TPST1: variants seen among roughly 807,000 people sequenced by gnomAD.
The protein encoded by TPST1 is tyrosylprotein sulfotransferase 1.
TPST1 carries 20 observed loss-of-function variants against 34.8 expected under a neutral mutation model. The observed-to-expected ratio is 0.57, with a 90% CI of 0.40 to 0.84. The LOEUF is 0.84. Ranked by LOEUF, TPST1 falls within the 40% of genes least tolerant of loss-of-function variation. TPST1 has a pLI of 0.00. For synonymous variants in TPST1, 152 were observed against 159.4 expected, an observed-to-expected ratio of 0.95 and a Z score of 0.35; for missense variants, 353 against 455.5, an observed-to-expected ratio of 0.78 and a Z score of 2.05.
rs565496187 is a variant in TPST1 at position 66,239,867 on chromosome 7, T to TTTTTGTTTTGTTTTG, written c.-101-443_-101-429dup. On this transcript the variant is annotated intron_variant, in intron 1 of 5. Coordinates refer to ENST00000304842, the MANE Select transcript of TPST1 (RefSeq NM_003596.4). ...GAGTAAAACAAATTTTACTCATTTGTTTTTGTTTTGTTTTGTTTTGTTTTG... is the reference window on the plus strand; with the variant it reads ...GAGTAAAACAAATTTTACTCATTTGTTTTTGTTTTGTTTTGTTTTGTTTTGTTTTGTTTTGTTTTG... Among the ~76,000 whole-genome samples, 117 of 152,186 alleles carry TTTTTGTTTTGTTTTG rather than the reference T, an allele frequency of 7.7e-4. 1 individual carries two copies. In the South Asian group the frequency reaches 0.012, roughly 16 times the overall value.
chr7:66,221,711 T>C (rs1195873350), intron 1 of TPST1: 1 of 152,220 alleles, frequency 6.6e-6, no homozygotes, highest in Non-Finnish European at 1.5e-5. Context: ...CTTTGTGATG[T>C]TGCTTTTGAA....
intron 2 of TPST1, among the ~76,000 whole-genome samples, chr7:66,282,873 A>G (rs1454352690): frequency 6.6e-6 from 1 of 152,202 alleles, no homozygotes; most frequent in Non-Finnish European, 1.5e-5. Context: ...CTTGAACCCG[A>G]TAAGTGCAAC....
At position 66,351,557 on chromosome 7, in the gene TPST1, C is replaced by G. The variant is rs113475570; in HGVS notation, c.1045-948C>G. Among the ~76,000 whole-genome samples, 24 of 151,818 alleles carry G rather than the reference C, an allele frequency of 1.6e-4. 4 individuals carry two copies. The highest frequency in any genetic ancestry group is 5.8e-4 in the African/African-American group (24 of 41,418). On this transcript the variant is annotated intron_variant, in intron 3 of 5. Coordinates refer to ENST00000304842, the MANE Select transcript of TPST1 (RefSeq NM_003596.4). ...CTGTATAATAGTAATGTATCGATAT[C>G]TGGTAGAATAAGTTCTTCTACTTTG...
chr7:66,282,192 C>A (rs754643912), intron 2 of TPST1, among the ~76,000 whole-genome samples: 1 of 152,096 alleles, frequency 6.6e-6, no homozygotes, highest in Admixed American at 6.6e-5. Flanking sequence ...TTAATGAGCT[C>A]CTTGCAGTCT....
chr7:66,250,631 G>A (rs551692824), intron 2 of TPST1, among the ~76,000 whole-genome samples: 1 of 152,194 alleles, frequency 6.6e-6, no homozygotes, highest in South Asian at 2.1e-4. Context: ...GTGGATGCCC[G>A]AAACCCCACT....
intron 3 of TPST1, among the ~76,000 whole-genome samples, chr7:66,327,773 T>C (rs1174107206): frequency 6.6e-6 from 1 of 150,868 alleles, no homozygotes; most frequent in Non-Finnish European, 1.5e-5. Flanking sequence ...TGAAGAAAAC[T>C]ATGAGAAAAA....
intron 3 of TPST1, among the ~76,000 whole-genome samples, chr7:66,297,849 G>GT (rs1231626887): frequency 1.3e-5 from 2 of 152,100 alleles, no homozygotes; most frequent in East Asian, 1.9e-4. Context: ...GCTTGTTCCT[G>GT]TTTTTTTCTA....
intron 4 of TPST1, chr7:66,353,018 G>C: frequency 2.0e-6 from 2 of 984,654 alleles, no homozygotes; most frequent in Non-Finnish European, 2.4e-6. Flanking sequence ...AGGACAGTGA[G>C]AGTTTGAAGG....
intron 1 of TPST1, among the ~76,000 whole-genome samples, chr7:66,238,810 C>G (rs570820801): frequency 2.6e-3 from 396 of 152,310 alleles, no homozygotes; most frequent in African/African-American, 9.0e-3. Context: ...TCTGAGGATT[C>G]AGGGTAAATT....
intron 3 of TPST1, among the ~76,000 whole-genome samples, chr7:66,319,664 C>A (rs1199138893): frequency 6.6e-6 from 1 of 152,178 alleles, no homozygotes; most frequent in Non-Finnish European, 1.5e-5. Context: ...GGACTTCATG[C>A]AAATGCTTTA....
At chr7:66,271,514 C>G (rs1424520915) in intron 2 of TPST1, among the ~76,000 whole-genome samples, 1 of 152,162 alleles carries the variant, frequency 6.6e-6, no homozygotes, top group Admixed American at 6.6e-5. Flanking sequence ...TACCCTTTGA[C>G]CTACATCTCC....
At chr7:66,335,098 C>T (rs1792070421) in intron 3 of TPST1, among the ~76,000 whole-genome samples, 1 of 152,114 alleles carries the variant, frequency 6.6e-6, no homozygotes, top group Non-Finnish European at 1.5e-5. Flanking sequence ...GGCCTGAATC[C>T]CTGGTCGGAT....
In TPST1 at chr7:66,347,283, G is replaced by T. The variant is rs541977273; in HGVS notation, c.1045-5222G>T. On this transcript the variant is annotated intron_variant, in intron 3 of 5. Coordinates refer to ENST00000304842, the MANE Select transcript of TPST1 (RefSeq NM_003596.4). ...GGGTTTCACCATGTTGCCCGGGCTG[G>T]TCTCAAACTTCTGGCCTCAAGTGAT... Among the ~76,000 whole-genome samples, 4 of 151,982 alleles carry T rather than the reference G, an allele frequency of 2.6e-5. 1 individual carries two copies. In the South Asian group the frequency reaches 8.3e-4, roughly 32 times the overall value.
intron 3 of TPST1, among the ~76,000 whole-genome samples, chr7:66,293,401 G>A (rs1261722991): frequency 6.6e-6 from 1 of 152,124 alleles, no homozygotes; most frequent in African/African-American, 2.4e-5. Flanking sequence ...TACTTGGGAG[G>A]CTGAGGTGGG....
intron 3 of TPST1, among the ~76,000 whole-genome samples, chr7:66,324,800 CAAAAAAAAAAAAAAA>C (rs56389964): frequency 3.7e-5 from 4 of 109,248 alleles, no homozygotes; most frequent in Admixed American, 1.0e-4. Context: ...GACTCTGTCT[CAAAAAAAAAAAAAAA>C]AAAAAAAAAA....
chr7:66,308,557 A>G (rs1791467767), intron 3 of TPST1, among the ~76,000 whole-genome samples: 1 of 151,394 alleles, frequency 6.6e-6, no homozygotes, highest in Non-Finnish European at 1.5e-5. Context: ...CTCTTTTCCT[A>G]CTCTACCTCT....
At chr7:66,354,431 C>T (rs1026673866) in intron 4 of TPST1, among the ~76,000 whole-genome samples, 1 of 150,446 alleles carries the variant, frequency 6.6e-6, no homozygotes, top group African/African-American at 2.4e-5. Flanking sequence ...CACAGTGACA[C>T]CCCGTCTCTA....
chr7:66,242,155 A>G (rs1790049099), intron 2 of TPST1, among the ~76,000 whole-genome samples: 2 of 152,174 alleles, frequency 1.3e-5, no homozygotes, highest in African/African-American at 2.4e-5. Context: ...GGAAACTACT[A>G]TTAAATTCAG....
chr7:66,276,481 C>G (rs913608741), intron 2 of TPST1, among the ~76,000 whole-genome samples: 1 of 149,648 alleles, frequency 6.7e-6, no homozygotes, highest in African/African-American at 2.5e-5. Flanking sequence ...TCAAGTGATT[C>G]TCCTGCGTCA....
Sources: allele counts gnomAD v4.1 joint callset (sites outside exome capture counted in the v4.1 genomes callset), GRCh38; gene constraint gnomAD v4.1.1; transcripts MANE v1.5; gene names NCBI Gene and HGNC (gene_info 2026-07-23, HGNC 2026-07-21).